CD109: variants seen among roughly 807,000 people sequenced by gnomAD.
CD109 encodes CD109 molecule, also known as CD109 antigen.
A neutral mutation model predicts 165.8 loss-of-function variants in CD109; 149 were observed. The observed-to-expected ratio is 0.90, with a 90% CI of 0.79 to 1.03. CD109 has a LOEUF of 1.03. Ranked by LOEUF, CD109 falls within the 50% of genes least tolerant of loss-of-function variation. CD109 has a pLI of 0.00. For synonymous variants in CD109, 585 were observed against 592.1 expected, an observed-to-expected ratio of 0.99 and a Z score of 0.18; for missense variants, 1,712 against 1,677.8, an observed-to-expected ratio of 1.02 and a Z score of -0.36.
chr6:73,767,094 G>T, intron 13 of CD109, 84 bp downstream of exon 13: 1 of 1,176,072 alleles, frequency 8.5e-7, no homozygotes, highest in Non-Finnish European at 1.2e-6. Context: ...ACATGTGCAG[G>T]TTTGTTATAT....
intron 7 of CD109, 42 bp downstream of exon 7, chr6:73,759,070 A>G: frequency 1.5e-6 from 2 of 1,295,634 alleles, no homozygotes; most frequent in Non-Finnish European, 2.2e-6. Flanking sequence ...AAACCATTAT[A>G]AAACTGTGTG....
chr6:73,773,666 A>G (rs1423829665), intron 15 of CD109, among the ~76,000 whole-genome samples: 1 of 151,992 alleles, frequency 6.6e-6, no homozygotes, highest in African/African-American at 2.4e-5. Context: ...GTATGCTCCT[A>G]TTCCTTTTGG....
intron 2 of CD109, among the ~76,000 whole-genome samples, chr6:73,700,066 C>G (rs989242661): frequency 2.0e-5 from 3 of 152,074 alleles, no homozygotes; most frequent in Non-Finnish European, 4.4e-5. Context: ...ACATAAACAC[C>G]AAACACCAAC....
Position 73,766,759 on chromosome 6 carries a change from G to T in CD109, c.1333G>T (p.Ala445Ser), listed in dbSNP as rs376360159. 6.2e-7 allele frequency: 1 copy of T among 1,602,412 alleles called. No homozygotes were observed. Among genetic ancestry groups the T allele is most frequent in the Non-Finnish European group, 8.5e-7 (1 of 1,171,268 alleles). Residue 445 changes from alanine to serine, a missense_variant and splice_region_variant, in exon 12 of 33, where the codon GCC becomes TCC. Physicochemically the swap from Ala to Ser is moderately conservative, Grantham distance 99. Coordinates refer to ENST00000287097, the MANE Select transcript of CD109 (RefSeq NM_133493.5). ...ACAGCTCCTTTTTCTTTTATTATAG[G>T]CCTATTTCCTTGGTAGTAAAAGTAG... The part of the protein sequence containing the change: ...LEDSSELQLK[A>S]YFLGSKSSMA...
intron 2 of CD109, 197 bp from the exon 3 acceptor site, chr6:73,723,054 A>AT: frequency 9.1e-6 from 8 of 875,862 alleles, no homozygotes; most frequent in Non-Finnish European, 1.1e-5. Flanking sequence ...TTTAATCCTG[A>AT]TTTTTAATTG....
intron 5 of CD109, among the ~76,000 whole-genome samples, chr6:73,745,458 A>G (rs1772946928): frequency 6.6e-6 from 1 of 152,184 alleles, no homozygotes; most frequent in Non-Finnish European, 1.5e-5. Context: ...AGATGTCAAC[A>G]GGGCTTGCTG....
At position 73,777,768 on chromosome 6, in the gene CD109, C is replaced by T. The variant is rs571813568; in HGVS notation, c.1828-2656C>T. Among the ~76,000 whole-genome samples the T allele has an allele frequency of 5.3e-5, 8 of 152,140 alleles. No individual in the cohort carries two copies. In the South Asian group the frequency reaches 1.7e-3, roughly 32 times the overall value. On this transcript the variant is annotated intron_variant, in intron 15 of 32. Coordinates refer to ENST00000287097, the MANE Select transcript of CD109 (RefSeq NM_133493.5). ...GGGTTCTCTATTCTGTTCCATTGGT[C>T]TATGTGTCTGTTTTTGTGTGAGTAC... is the stretch of plus-strand genomic sequence containing the variant.
At chr6:73,707,059 C>T (rs1248329746) in intron 2 of CD109, among the ~76,000 whole-genome samples, 6 of 152,196 alleles carry the variant, frequency 3.9e-5, no homozygotes, top group Non-Finnish European at 5.9e-5. Context: ...CTGTGCTCTT[C>T]GCAGGGAAGC....
At chr6:73,767,084 A>T (rs1471894620) in intron 13 of CD109, 74 bp downstream of exon 13, 2 of 1,325,590 alleles carry the variant, frequency 1.5e-6, no homozygotes, top group Admixed American at 3.8e-5. Flanking sequence ...GTTCTGGGGT[A>T]CATGTGCAGG....
At chr6:73,723,079 A>G in intron 2 of CD109, 172 bp from the exon 3 acceptor site, 2 of 947,332 alleles carry the variant, frequency 2.1e-6, no homozygotes, top group South Asian at 4.9e-5. Flanking sequence ...GCACAAAGAT[A>G]TGTAATAATT....
At chr6:73,787,085 CTT>C (rs984426354) in intron 20 of CD109, 147 bp from the exon 21 acceptor site, 1 of 595,742 alleles carries the variant, frequency 1.7e-6, no homozygotes, top group Non-Finnish European at 2.9e-6. Flanking sequence ...TCCTGATACT[CTT>C]TGATACTCTC....
chr6:73,788,758 T>C (rs1262175440), intron 22 of CD109, 146 bp downstream of exon 22: 14 of 646,306 alleles, frequency 2.2e-5, no homozygotes, highest in Non-Finnish European at 3.4e-5. Context: ...CTCATTATAA[T>C]ATGAAGGCTA....
chr6:73,813,852 CTCTA>C (rs1775836297), intron 29 of CD109, among the ~76,000 whole-genome samples: 1 of 152,034 alleles, frequency 6.6e-6, no homozygotes, highest in African/African-American at 2.4e-5. Context: ...TAGCATTGGT[CTCTA>C]AAGGGACAAT....
intron 10 of CD109, 75 bp downstream of exon 10, chr6:73,763,760 C>T: frequency 1.4e-6 from 1 of 701,034 alleles, no homozygotes; most frequent in East Asian, 2.9e-5. Context: ...ATAATATTTT[C>T]AATGCTTTTC....
In CD109 at chr6:73,788,647, A is replaced by ATTG. The variant is rs755927664; in HGVS notation, c.2701+37_2701+39dup. On this transcript the variant is annotated intron_variant, in intron 22 of 32. Coordinates refer to ENST00000287097, the MANE Select transcript of CD109 (RefSeq NM_133493.5). The stretch of plus-strand genomic sequence containing the variant: ...GAGTATATCACCATCTATTGGTTTA[A>ATTG]TTGTATATGATCATATATGTTGTTC... 4 of 1,551,442 alleles carry ATTG rather than the reference A, an allele frequency of 2.6e-6. No individual in the cohort carries two copies. In the Admixed American group the frequency reaches 5.6e-5, roughly 22 times the overall value.
chr6:73,722,835 C>T (rs1682389289), intron 2 of CD109, among the ~76,000 whole-genome samples: 1 of 152,204 alleles, frequency 6.6e-6, no homozygotes, highest in African/African-American at 2.4e-5. Flanking sequence ...TCACCCCTGA[C>T]ATGACTAATG....
intron 2 of CD109, among the ~76,000 whole-genome samples, chr6:73,722,778 A>G (rs1399868500): frequency 2.0e-5 from 3 of 152,144 alleles, no homozygotes; most frequent in Non-Finnish European, 4.4e-5. Context: ...TTACACGAAA[A>G]AAGTCTGCAT....
At chr6:73,720,481 A>T (rs1472706743) in intron 2 of CD109, among the ~76,000 whole-genome samples, 1 of 152,170 alleles carries the variant, frequency 6.6e-6, no homozygotes, top group Non-Finnish European at 1.5e-5. Context: ...TATACTTAAA[A>T]ATTGCTTAGA....
chr6:73,810,094 T>C lies in CD109; in HGVS notation c.3466T>C (p.Phe1156Leu), dbSNP rs1775700514. The C allele has an allele frequency of 5.6e-6, 9 of 1,610,394 alleles. No homozygotes were observed. In the East Asian group the frequency reaches 2.0e-4, roughly 36 times the overall value. ...TGCACTGCTCTCACACTTCTTACAA[T>C]TTCAGACTTCTGAGGGAATCCCAAT... ...AYALLSHFLQ[F>L]QTSEGIPIMR... The change falls in exon 27 of 33, where the codon TTT becomes CTT. Residue 1156 changes from phenylalanine to leucine, a missense_variant. Physicochemically the swap from Phe to Leu is conservative, Grantham distance 22. Transcript: ENST00000287097.
Sources: allele counts gnomAD v4.1 joint callset (sites outside exome capture counted in the v4.1 genomes callset), GRCh38; gene constraint gnomAD v4.1.1; transcripts MANE v1.5; gene names NCBI Gene and HGNC (gene_info 2026-07-23, HGNC 2026-07-21).